The following CCDC85C variants were observed in gnomAD, a reference collection of about 807,000 sequenced individuals.
CCDC85C encodes the protein coiled-coil domain-containing protein 85C.
CCDC85C carries 18 observed loss-of-function variants against 38.3 expected under a neutral mutation model. The ratio of observed to expected loss-of-function variants is 0.47; its 90% CI spans 0.33 to 0.70. CCDC85C has a LOEUF of 0.70. CCDC85C is among the 30% of genes least tolerant of loss of function. The pLI is 0.03. For synonymous variants in CCDC85C, 264 were observed against 293.8 expected, an observed-to-expected ratio of 0.90 and a Z score of 1.04; for missense variants, 566 against 621.2, an observed-to-expected ratio of 0.91 and a Z score of 0.94.
Position 99,548,431 on chromosome 14 carries a change from G to A in CCDC85C, c.794-12343C>T, listed in dbSNP as rs1327649304. ...CGTAAGAACGGGCCACACAGGGGAT[G>A]CTGATGATCGGCGCAGCGGATCAGA... On this transcript the variant is annotated intron_variant, in intron 1 of 5. Transcript: ENST00000380243. The surrounding 1 kb of genome is among the most constrained non-coding windows in gnomAD (Gnocchi z 4.9). Among the ~76,000 whole-genome samples, 1 of 152,164 alleles carries A rather than the reference G, an allele frequency of 6.6e-6. No individual in the cohort carries two copies. The highest frequency in any genetic ancestry group is 1.5e-5 in the Non-Finnish European group (1 of 68,030).
chr14:99,566,789 A>AG (rs2139956454), intron 1 of CCDC85C, among the ~76,000 whole-genome samples: 1 of 152,188 alleles, frequency 6.6e-6, no homozygotes, highest in South Asian at 2.1e-4. Flanking sequence ...CCTCCCAACG[A>AG]GGGGGCCTGC....
chr14:99,526,719 G>A (rs1897392636), intron 2 of CCDC85C, among the ~76,000 whole-genome samples: 1 of 152,240 alleles, frequency 6.6e-6, no homozygotes, highest in African/African-American at 2.4e-5. Flanking sequence ...GTAATCAATG[G>A]TCTGGGTGCC....
chr14:99,521,603 G>A lies in CCDC85C; in HGVS notation c.975+530C>T, dbSNP rs569209319. ...CAAGGCAAGGCCCCCAGTCCTAGGA[G>A]GGCAAGTGGGCCTGGACTCCTGTGG... On this transcript the variant is annotated intron_variant, in intron 3 of 5. Coordinates refer to ENST00000380243, the MANE Select transcript of CCDC85C (RefSeq NM_001144995.2). Among the ~76,000 whole-genome samples the A allele has an allele frequency of 4.6e-5, 7 of 152,322 alleles. No homozygotes were observed. The South Asian group carries it at 1.0e-3, about 23-fold the overall frequency.
At chr14:99,579,142 C>T (rs1383852863) in intron 1 of CCDC85C, among the ~76,000 whole-genome samples, 8 of 152,216 alleles carry the variant, frequency 5.3e-5, no homozygotes, top group Admixed American at 2.6e-4. Context: ...CAGAGGTGCT[C>T]GCCTGGGTAC....
At chr14:99,549,974 G>A (rs1386363390) in intron 1 of CCDC85C, among the ~76,000 whole-genome samples, 1 of 152,208 alleles carries the variant, frequency 6.6e-6, no homozygotes, top group African/African-American at 2.4e-5. Context: ...GCAGTGTAGT[G>A]CGGGGGAAGA....
At chr14:99,591,288 C>A (rs1477932581) in intron 1 of CCDC85C, among the ~76,000 whole-genome samples, 1 of 152,234 alleles carries the variant, frequency 6.6e-6, no homozygotes, top group Non-Finnish European at 1.5e-5. Flanking sequence ...GCTGTGCAGC[C>A]CTCTCTGGGC....
intron 1 of CCDC85C, among the ~76,000 whole-genome samples, chr14:99,568,257 T>TTTTTTTA: frequency 7.3e-6 from 1 of 137,086 alleles, no homozygotes; most frequent in Non-Finnish European, 1.6e-5. Flanking sequence ...TTTATTTTTT[T>TTTTTTTA]TTTTTTTTTT....
Position 99,515,133 on chromosome 14 carries a change from C to A in CCDC85C, c.*113G>T. The A allele has an allele frequency of 2.6e-6, 2 of 763,376 alleles. No homozygotes were observed. Among genetic ancestry groups the A allele is most frequent in the South Asian group, 3.5e-5 (2 of 57,960 alleles). 47.3% of individuals were successfully genotyped at this position (763,376 alleles called of 1,614,324 possible). On this transcript the variant is annotated 3_prime_UTR_variant, in exon 6 of 6. Coordinates refer to ENST00000380243, the MANE Select transcript of CCDC85C (RefSeq NM_001144995.2). ...GGCGGGCAGCGTCCTATGTACAGTT[C>A]ACCACAGAGGAAGAAGACAGGGGCT...
intron 2 of CCDC85C, among the ~76,000 whole-genome samples, chr14:99,523,236 G>T (rs1897327022): frequency 6.6e-6 from 1 of 152,204 alleles, no homozygotes; most frequent in African/African-American, 2.4e-5. Flanking sequence ...GGCAGGACAG[G>T]CTGCAGCCAT....
At chr14:99,546,589 G>C (rs1413515295) in intron 1 of CCDC85C, among the ~76,000 whole-genome samples, 1 of 152,170 alleles carries the variant, frequency 6.6e-6, no homozygotes, top group Non-Finnish European at 1.5e-5. Flanking sequence ...ATCCTCACCA[G>C]CCAGGTGGTA....
At chr14:99,559,333 G>A (rs8018428) in intron 1 of CCDC85C, among the ~76,000 whole-genome samples, 85,944 of 151,808 alleles carry the variant, frequency 0.57, 25,047 homozygotes, top group African/African-American at 0.71. Flanking sequence ...GGTTTCCCAC[G>A]TGATCGTTTG....
chr14:99,598,326 C>T (rs1200122770), intron 1 of CCDC85C, among the ~76,000 whole-genome samples: 2 of 152,244 alleles, frequency 1.3e-5, no homozygotes, highest in East Asian at 1.9e-4. Context: ...AAATCCCCAC[C>T]GGCGGAAAAC....
chr14:99,503,492 T>C lies in CCDC85C; in HGVS notation c.*11754A>G. ...TGAAAGTTCAGGCTAGAAATAATTT[T>C]TGTCCGAGGCTGTTCACAGTGACTG... On this transcript the variant is annotated 3_prime_UTR_variant, in exon 6 of 6. Coordinates refer to ENST00000380243, the MANE Select transcript of CCDC85C (RefSeq NM_001144995.2). 2.2e-5 allele frequency: 17 copies of C among 778,994 alleles called. No individual in the cohort carries two copies. In the South Asian group the frequency reaches 2.7e-4, roughly 12 times the overall value. 48.3% of individuals were successfully genotyped at this position (778,994 alleles called of 1,614,324 possible).
intron 2 of CCDC85C, among the ~76,000 whole-genome samples, chr14:99,523,340 C>G (rs1008805695): frequency 6.6e-6 from 1 of 152,202 alleles, no homozygotes; most frequent in Non-Finnish European, 1.5e-5. Flanking sequence ...CTGGACCTGG[C>G]CCCGCACTTC....
chr14:99,589,682 A>C (rs2055065089), intron 1 of CCDC85C, among the ~76,000 whole-genome samples: 1 of 152,048 alleles, frequency 6.6e-6, no homozygotes, highest in African/African-American at 2.4e-5. Flanking sequence ...GATGGGTTGC[A>C]GAGGCCACTG....
In CCDC85C at chr14:99,503,019, G is replaced by C; in HGVS notation, c.*12227C>G. 6.2e-7 allele frequency: 1 copy of C among 1,612,336 alleles called. No individual in the cohort carries two copies. Among genetic ancestry groups the C allele is most frequent in the Non-Finnish European group, 8.5e-7 (1 of 1,178,532 alleles). ...CTAAAGCAGGCCCTGGGTAGAGCAG[G>C]CTTTCCAGGTGGCGGCAACACCTGA... On this transcript the variant is annotated 3_prime_UTR_variant, in exon 6 of 6. Coordinates refer to ENST00000380243, the MANE Select transcript of CCDC85C (RefSeq NM_001144995.2).
chr14:99,524,592 A>AC (rs1249478335), intron 2 of CCDC85C, among the ~76,000 whole-genome samples: 1 of 152,204 alleles, frequency 6.6e-6, no homozygotes, highest in African/African-American at 2.4e-5. Context: ...GGCAGGAAAA[A>AC]CACACAATCT....
At chr14:99,531,774 G>T (rs1897499065) in intron 2 of CCDC85C, among the ~76,000 whole-genome samples, 1 of 152,152 alleles carries the variant, frequency 6.6e-6, no homozygotes, top group Admixed American at 6.5e-5. Context: ...TCCCTGACAA[G>T]ATTTAAATGC....
At chr14:99,556,128 A>T (rs889349425) in intron 1 of CCDC85C, among the ~76,000 whole-genome samples, 1 of 152,264 alleles carries the variant, frequency 6.6e-6, no homozygotes, top group African/African-American at 2.4e-5. Flanking sequence ...ATTAGAAAAC[A>T]ATCACTCAGG....
Sources: gnomAD v4.1 joint callset for allele counts (sites outside exome capture counted in the v4.1 genomes callset) on GRCh38, gnomAD v4.1.1 for gene constraint, Gnocchi (gnomAD v3.1) non-coding constraint, MANE v1.5 for transcripts, NCBI Gene and HGNC (gene_info 2026-07-23, HGNC 2026-07-21) for gene names.